Variants in RFTN1 observed in about 807,000 individuals in gnomAD.
The protein encoded by RFTN1 is raftlin.
In RFTN1, 26 loss-of-function variants were observed where a neutral mutation model predicts 46.5. That is an observed-to-expected ratio of 0.56 (90% CI 0.41 to 0.78). The LOEUF (loss-of-function observed/expected upper bound fraction) is 0.78. Among genes scored for constraint, RFTN1 ranks in the 30% least tolerant of loss-of-function variants. The pLI is 0.00. For missense variants in RFTN1, 693 were observed against 718.7 expected, an observed-to-expected ratio of 0.96 and a Z score of 0.41; for synonymous variants, 261 against 284.2, an observed-to-expected ratio of 0.92 and a Z score of 0.82.
At chr3:16,453,225 C>T (rs2075849636) in intron 2 of RFTN1, among the ~76,000 whole-genome samples, 1 of 152,232 alleles carries the variant, frequency 6.6e-6, no homozygotes, top group African/African-American at 2.4e-5. Context: ...AGAGCCTATG[C>T]TCTTAACCTC....
rs2075312710 is a variant in RFTN1, at chr3:16,427,811, C to T, written c.332+6040G>A. ...TGCCCTCCCACTGTTTCTCTTTGGA[C>T]ACCACGTTCCACTTGTTCCACAATG... On this transcript the variant is annotated intron_variant, in intron 3 of 9. Coordinates refer to ENST00000334133, the MANE Select transcript of RFTN1 (RefSeq NM_015150.2). This position sits in a 1 kb window ranked among gnomAD's most constrained non-coding sequence, Gnocchi z 5.4. Among the ~76,000 whole-genome samples the T allele has an allele frequency of 6.6e-6, 1 of 152,146 alleles. No homozygotes were observed. Among genetic ancestry groups the T allele is most frequent in the Non-Finnish European group, 1.5e-5 (1 of 68,018 alleles).
At position 16,512,739 on chromosome 3, in the gene RFTN1, T is replaced by C. The variant is rs3821786; in HGVS notation, c.-9+703A>G. 0.55 allele frequency: 84,063 copies of C among 151,700 alleles called. 24,546 individuals are homozygous for C. Among genetic ancestry groups the C allele is most frequent in the African/African-American group, 0.74 (30,768 of 41,336 alleles). The allele number at this position is 151,700 out of a possible 1,614,324, so 9.4% of individuals were successfully genotyped here. A position where few individuals can be genotyped will look rare whatever the true frequency, so the allele number is the denominator to read the frequency against. On this transcript the variant is annotated intron_variant, in intron 1 of 9. Transcript: ENST00000334133. This position sits in a 1 kb window ranked among gnomAD's most constrained non-coding sequence, Gnocchi z 4.3. ...GACCCATATCCATCCTGGCGTCCCT[T>C]GAGTCTAGAGAAGTGGGTTAAGACA...
rs975733193 is a variant in RFTN1 at position 16,509,417 on chromosome 3, G to A, written c.-9+4025C>T. On this transcript the variant is annotated intron_variant, in intron 1 of 9. Transcript: ENST00000334133. This position sits in a 1 kb window ranked among gnomAD's most constrained non-coding sequence, Gnocchi z 4.9. ...CGTGAACTTAGGGAAAGTTAACCTT[G>A]CAAGCTTCAATTTCCTCAGGGCTGA... Among the ~76,000 whole-genome samples the A allele has an allele frequency of 6.6e-6, 1 of 152,146 alleles. No individual in the cohort carries two copies. Among genetic ancestry groups the A allele is most frequent in the African/African-American group, 2.4e-5 (1 of 41,410 alleles).
chr3:16,340,680 G>T (rs980722646), intron 7 of RFTN1, among the ~76,000 whole-genome samples: 1 of 152,218 alleles, frequency 6.6e-6, no homozygotes, highest in Non-Finnish European at 1.5e-5. Context: ...TATACAGGAA[G>T]GTAACTCTGC....
chr3:16,432,955 C>T (rs1423202635), intron 3 of RFTN1, among the ~76,000 whole-genome samples: 3 of 152,166 alleles, frequency 2.0e-5, no homozygotes, highest in Admixed American at 2.0e-4. Context: ...CTTATGAGCA[C>T]ACCAGCCAAA....
chr3:16,328,288 G>A (rs1012648775), intron 7 of RFTN1, among the ~76,000 whole-genome samples: 2 of 152,228 alleles, frequency 1.3e-5, no homozygotes, highest in African/African-American at 4.8e-5. Flanking sequence ...GTCTGTGGTC[G>A]GCTTAACTCA....
intron 4 of RFTN1, among the ~76,000 whole-genome samples, chr3:16,405,371 A>G (rs1189151967): frequency 1.3e-5 from 2 of 152,214 alleles, no homozygotes; most frequent in Admixed American, 1.3e-4. Flanking sequence ...GTGGTCCATA[A>G]TAACTTACAT....
intron 1 of RFTN1, among the ~76,000 whole-genome samples, chr3:16,510,262 G>A (rs1230142091): frequency 2.6e-5 from 4 of 152,306 alleles, no homozygotes; most frequent in Middle Eastern, 3.4e-3. Context: ...AATCCAAGGG[G>A]ACTCTCCACC....
chr3:16,425,685 A>G lies in RFTN1; in HGVS notation c.332+8166T>C, dbSNP rs1356583745. On this transcript the variant is annotated intron_variant, in intron 3 of 9. Transcript: ENST00000334133. The surrounding 1 kb of genome is among the most constrained non-coding windows in gnomAD (Gnocchi z 4.3). ...TGGATTGGAAAAAATTCTTTCCCCC[A>G]AGAGAAGGTGGCTTTACGCTGGCAT... Among the ~76,000 whole-genome samples, 1 of 152,132 alleles carries G rather than the reference A, an allele frequency of 6.6e-6. No individual in the cohort carries two copies. The highest frequency in any genetic ancestry group is 1.5e-5 in the Non-Finnish European group (1 of 68,040).
At chr3:16,486,863 A>T (rs1262610437) in intron 2 of RFTN1, among the ~76,000 whole-genome samples, 1 of 152,248 alleles carries the variant, frequency 6.6e-6, no homozygotes, top group Non-Finnish European at 1.5e-5. Context: ...AGGTCAAATC[A>T]TGTCATAAGG....
At position 16,458,830 on chromosome 3, in the gene RFTN1, T is replaced by C. The variant is rs2075959613; in HGVS notation, c.146-24793A>G. Among the ~76,000 whole-genome samples, 1 of 152,184 alleles carries C rather than the reference T, an allele frequency of 6.6e-6. No homozygotes were observed. Among genetic ancestry groups the C allele is most frequent in the African/African-American group, 2.4e-5 (1 of 41,452 alleles). On this transcript the variant is annotated intron_variant, in intron 2 of 9. Transcript: ENST00000334133. This position sits in a 1 kb window ranked among gnomAD's most constrained non-coding sequence, Gnocchi z 5.1. ...CATTTATAATGAATCTGTCCATCTG[T>C]TTTTCTAGCAGATTAGAAGTACAAA...
At position 16,377,957 on chromosome 3, in the gene RFTN1, T is replaced by C; in HGVS notation, c.587A>G (p.Asp196Gly). 2 of 1,614,186 alleles carry C rather than the reference T, an allele frequency of 1.2e-6. No homozygotes were observed. Among genetic ancestry groups the C allele is most frequent in the South Asian group, 2.2e-5 (2 of 91,080 alleles). ...TTTCTCATTCTCCAGTGACGCGTGA[T>C]CCCCACGTGCGTTTTTTGCATCTCT... ...DARDAKNARG[D>G]HASLENEKPG... Residue 196 changes from aspartate to glycine, a missense_variant, in exon 5 of 10, where the codon GAT (aspartate) becomes GGT (glycine). Asp to Gly is a moderately conservative substitution (Grantham distance 94). Coordinates refer to ENST00000334133, the MANE Select transcript of RFTN1 (RefSeq NM_015150.2).
At position 16,380,860 on chromosome 3, in the gene RFTN1, G is replaced by T. The variant is rs540073029; in HGVS notation, c.442-2758C>A. 3.9e-5 allele frequency among the ~76,000 whole-genome samples: 6 copies of T among 152,310 alleles called. No homozygotes were observed. Among genetic ancestry groups the T allele is most frequent in the East Asian group, 1.9e-4 (1 of 5,192 alleles). On this transcript the variant is annotated intron_variant, in intron 4 of 9. Coordinates refer to ENST00000334133, the MANE Select transcript of RFTN1 (RefSeq NM_015150.2). This position sits in a 1 kb window ranked among gnomAD's most constrained non-coding sequence, Gnocchi z 4.8. ...GGTCCTCAATAAATATCTGTTGAAT[G>T]AATGAATATATTAAATAATGGATGA...
rs896187737 is a variant in RFTN1, at chr3:16,356,384, A to G, written c.1146+1548T>C. On this transcript the variant is annotated intron_variant, in intron 7 of 9. Transcript: ENST00000334133. The surrounding 1 kb of genome is among the most constrained non-coding windows in gnomAD (Gnocchi z 4.9). ...TGGCCCCTACGCTAACCAGCCCCGG[A>G]TGCTGTGACTTTCCAACTCCTGCTT... Among the ~76,000 whole-genome samples the G allele has an allele frequency of 1.3e-5, 2 of 152,116 alleles. No homozygotes were observed. The highest frequency in any genetic ancestry group is 2.4e-5 in the African/African-American group (1 of 41,408).
At chr3:16,350,578 C>T (rs79407067) in intron 7 of RFTN1, among the ~76,000 whole-genome samples, 1,675 of 151,700 alleles carry the variant, frequency 0.011, 30 homozygotes, top group African/African-American at 0.037. Context: ...GAGTGGCACA[C>T]AAGAATTTGA....
At chr3:16,454,768 T>A (rs907764659) in intron 2 of RFTN1, 112 of 985,246 alleles carry the variant, frequency 1.1e-4, no homozygotes, top group Non-Finnish European at 1.3e-4. Context: ...AGGCACCATC[T>A]AGCACTCACC....
In RFTN1 at chr3:16,410,900, C is replaced by T. The variant is rs1215925520; in HGVS notation, c.333-1417G>A. On this transcript the variant is annotated intron_variant, in intron 3 of 9. Transcript: ENST00000334133. This position sits in a 1 kb window ranked among gnomAD's most constrained non-coding sequence, Gnocchi z 4.6. ...CTGTATGACACTAGAGTGGAAATCACGTGGGTGTCAGAAATTGAAGAGGAT... is the reference window on the plus strand; with the variant it reads ...CTGTATGACACTAGAGTGGAAATCATGTGGGTGTCAGAAATTGAAGAGGAT... Among the ~76,000 whole-genome samples the T allele has an allele frequency of 5.3e-5, 8 of 152,308 alleles. No homozygotes were observed. The highest frequency in any genetic ancestry group is 8.8e-5 in the Non-Finnish European group (6 of 68,032).
In RFTN1 at chr3:16,499,805, T is replaced by A. The variant is rs1393646543; in HGVS notation, c.-8-5928A>T. Reference sequence around the variant, plus strand: ...AGGGCATTTGGGTTGTTTCTGGCACTGGCTGATTATGAATGAAGTGGCTAT... The same window carrying A: ...AGGGCATTTGGGTTGTTTCTGGCACAGGCTGATTATGAATGAAGTGGCTAT... On this transcript the variant is annotated intron_variant, in intron 1 of 9. Coordinates refer to ENST00000334133, the MANE Select transcript of RFTN1 (RefSeq NM_015150.2). This position sits in a 1 kb window ranked among gnomAD's most constrained non-coding sequence, Gnocchi z 4.9. 6.6e-6 allele frequency among the ~76,000 whole-genome samples: 1 copy of A among 152,226 alleles called. No individual in the cohort carries two copies. Among genetic ancestry groups the A allele is most frequent in the African/African-American group, 2.4e-5 (1 of 41,468 alleles).
rs1302019567 is a variant in RFTN1, at chr3:16,327,346, G to A, written c.1147-470C>T. ...CACACACATGCACATCCACATGTGT[G>A]TGTACACGCAGAAGCTGCTTTGCCT... On this transcript the variant is annotated intron_variant, in intron 7 of 9. Transcript: ENST00000334133. This position sits in a 1 kb window ranked among gnomAD's most constrained non-coding sequence, Gnocchi z 4.2. 1.3e-5 allele frequency among the ~76,000 whole-genome samples: 2 copies of A among 152,216 alleles called. No individual in the cohort carries two copies. Among genetic ancestry groups the A allele is most frequent in the Non-Finnish European group, 2.9e-5 (2 of 68,030 alleles).
Sources: gnomAD v4.1 joint callset for allele counts (sites outside exome capture counted in the v4.1 genomes callset) on GRCh38, gnomAD v4.1.1 for gene constraint, Gnocchi (gnomAD v3.1) non-coding constraint, MANE v1.5 for transcripts, NCBI Gene and HGNC (gene_info 2026-07-23, HGNC 2026-07-21) for gene names.